The following EFCAB11 variants were observed in gnomAD, a reference collection of about 807,000 sequenced individuals.
EFCAB11 encodes EF-hand calcium-binding domain-containing protein 11.
A neutral mutation model predicts 23.0 loss-of-function variants in EFCAB11; 14 were observed. The ratio of observed to expected loss-of-function variants is 0.61; its 90% CI spans 0.40 to 0.95. The LOEUF (loss-of-function observed/expected upper bound fraction) is 0.95, where lower values mean the gene tolerates loss of function less well. Among genes scored for constraint, EFCAB11 ranks in the 40% least tolerant of loss-of-function variants. The pLI, the probability that EFCAB11 is intolerant of heterozygous loss-of-function variation, is 0.00. For missense variants in EFCAB11, 198 were observed against 195.8 expected (o/e 1.01, Z -0.07); for synonymous variants, 65 against 66.6 (o/e 0.98, Z 0.11).
chr14:89,911,791 T>C (rs1036146403), intron 5 of EFCAB11, among the ~76,000 whole-genome samples: 1 of 152,190 alleles, frequency 6.6e-6, no homozygotes, highest in Non-Finnish European at 1.5e-5. Flanking sequence ...CAGTTCTCCA[T>C]TCAGTTGTGG....
At chr14:89,844,087 G>A (rs1887355565) in intron 5 of EFCAB11, among the ~76,000 whole-genome samples, 1 of 152,166 alleles carries the variant, frequency 6.6e-6, no homozygotes, top group Admixed American at 6.5e-5. Context: ...TAAAAATGGT[G>A]TACCAGTAAA....
chr14:89,922,195 G>A (rs746074155), intron 5 of EFCAB11, among the ~76,000 whole-genome samples: 11 of 152,122 alleles, frequency 7.2e-5, no homozygotes, highest in Non-Finnish European at 1.6e-4. Context: ...TGGATACATC[G>A]GCCACAACAC....
At chr14:89,898,370 G>A (rs551795512) in intron 5 of EFCAB11, among the ~76,000 whole-genome samples, 8 of 151,904 alleles carry the variant, frequency 5.3e-5, no homozygotes, top group Admixed American at 1.3e-4. Context: ...TTTTTGTTTT[G>A]TTTTGTTTTT....
At chr14:89,798,237 TAG>T (rs1885641232) in intron 5 of EFCAB11, among the ~76,000 whole-genome samples, 1 of 152,238 alleles carries the variant, frequency 6.6e-6, no homozygotes, top group African/African-American at 2.4e-5. Flanking sequence ...TGGTTCTGGA[TAG>T]AGTGATGATA....
At chr14:89,852,854 G>A (rs1233934625) in intron 5 of EFCAB11, among the ~76,000 whole-genome samples, 2 of 152,052 alleles carry the variant, frequency 1.3e-5, no homozygotes, top group African/African-American at 4.8e-5. Flanking sequence ...CCCATCTCCT[G>A]TCCCCTGTCC....
At chr14:89,813,427 T>C (rs1271387104) in intron 5 of EFCAB11, among the ~76,000 whole-genome samples, 1 of 152,206 alleles carries the variant, frequency 6.6e-6, no homozygotes, top group Non-Finnish European at 1.5e-5. Context: ...CTCACACTCA[T>C]CTTAACAAAA....
chr14:89,909,155 T>C (rs1889583136), intron 5 of EFCAB11, among the ~76,000 whole-genome samples: 1 of 152,194 alleles, frequency 6.6e-6, no homozygotes, highest in Non-Finnish European at 1.5e-5. Context: ...CATGCTGGGC[T>C]GGACAAACAC....
At chr14:89,888,910 G>GA (rs1190833540) in intron 5 of EFCAB11, among the ~76,000 whole-genome samples, 1 of 152,188 alleles carries the variant, frequency 6.6e-6, no homozygotes, top group East Asian at 1.9e-4. Context: ...ATGGCGCTGT[G>GA]ATACTGTCTC....
chr14:89,913,394 C>T (rs1489960695), intron 5 of EFCAB11, among the ~76,000 whole-genome samples: 2 of 152,068 alleles, frequency 1.3e-5, no homozygotes, highest in Non-Finnish European at 2.9e-5. Flanking sequence ...GCATGGAGAC[C>T]TGAGTTTTGA....
chr14:89,801,381 C>T (rs560543893), intron 5 of EFCAB11, among the ~76,000 whole-genome samples: 1 of 152,292 alleles, frequency 6.6e-6, no homozygotes, highest in Admixed American at 6.5e-5. Flanking sequence ...AGGAGATGAG[C>T]TCTGTCTGAA....
chr14:89,881,856 T>C (rs1035010698), intron 5 of EFCAB11, among the ~76,000 whole-genome samples: 1 of 152,346 alleles, frequency 6.6e-6, no homozygotes, highest in South Asian at 2.1e-4. Flanking sequence ...AAGTTGACAG[T>C]GTGCATGCAC....
chr14:89,932,708 T>C (rs746592139), intron 3 of EFCAB11, 81 bp from the exon 4 acceptor site: 2 of 1,053,250 alleles, frequency 1.9e-6, no homozygotes, highest in Non-Finnish European at 1.4e-6. Flanking sequence ...TGGACAGTAA[T>C]AAATCTCACC....
Position 89,942,870 on chromosome 14 carries a change from G to C in EFCAB11, c.217+7227C>G, listed in dbSNP as rs571533363. Among the ~76,000 whole-genome samples the C allele has an allele frequency of 3.1e-4, 47 of 152,082 alleles. No homozygotes were observed. In the South Asian group the frequency reaches 8.3e-3, roughly 27 times the overall value. Reference sequence around the variant, plus strand: ...ACTTTTCACTCTTCTTAATTTTCACGAGGAAATCTCTATTGAAATGACCTA... The same window carrying C: ...ACTTTTCACTCTTCTTAATTTTCACCAGGAAATCTCTATTGAAATGACCTA... On this transcript the variant is annotated intron_variant, in intron 3 of 5. Coordinates refer to ENST00000316738, the MANE Select transcript of EFCAB11 (RefSeq NM_145231.4).
chr14:89,826,459 A>AT lies in EFCAB11; in HGVS notation c.411-29136dup, dbSNP rs1029084795. Among the ~76,000 whole-genome samples, 1,030 of 146,190 alleles carry AT rather than the reference A, an allele frequency of 7.0e-3. 10 individuals are homozygous for AT. Among genetic ancestry groups the AT allele is most frequent in the African/African-American group, 0.02 (795 of 40,054 alleles). ...TTTGAGACGAAGTTGAAGAGGTTAG[A>AT]TTTTTTTTTTTTTAATGCAGTAGGA... On this transcript the variant is annotated intron_variant, in intron 5 of 5. Transcript: ENST00000316738.
chr14:89,953,786 A>C, intron 2 of EFCAB11, 120 bp downstream of exon 2: 2 of 727,740 alleles, frequency 2.7e-6, no homozygotes, highest in Non-Finnish European at 4.5e-6. Flanking sequence ...CACTGGACAC[A>C]TCTCTGAAAT....
intron 5 of EFCAB11, among the ~76,000 whole-genome samples, chr14:89,852,705 T>G (rs1035012701): frequency 1.3e-5 from 2 of 152,224 alleles, no homozygotes; most frequent in Non-Finnish European, 2.9e-5. Context: ...CACCTCAATC[T>G]TTAACAGCTA....
chr14:89,866,684 AC>A, intron 5 of EFCAB11, among the ~76,000 whole-genome samples: 1 of 152,132 alleles, frequency 6.6e-6, no homozygotes, highest in African/African-American at 2.4e-5. Context: ...CAGAGAAGCC[AC>A]CCCCACTCCA....
intron 5 of EFCAB11, among the ~76,000 whole-genome samples, chr14:89,813,545 TTTTCTTTCTTCAGAC>T (rs1886221966): frequency 2.0e-5 from 3 of 151,242 alleles, no homozygotes; most frequent in Non-Finnish European, 2.9e-5. Context: ...TTTGTTTTGT[TTTTCTTTCTTCAGAC>T]CTTTCTCTAT....
chr14:89,946,912 ATG>A (rs1387274233), intron 3 of EFCAB11, among the ~76,000 whole-genome samples: 1 of 152,006 alleles, frequency 6.6e-6, no homozygotes, highest in African/African-American at 2.4e-5. Flanking sequence ...TCCTATTCAT[ATG>A]TGTCTTTTTT....
Sources: gnomAD v4.1 joint callset for allele counts (sites outside exome capture counted in the v4.1 genomes callset) on GRCh38, gnomAD v4.1.1 for gene constraint, MANE v1.5 for transcripts, NCBI Gene and HGNC (gene_info 2026-07-23, HGNC 2026-07-21) for gene names.